POLN: variants seen among roughly 807,000 people sequenced by gnomAD.
The protein encoded by POLN is DNA polymerase nu, also known as DNA polymerase N.
In POLN, 108 loss-of-function variants were observed where a neutral mutation model predicts 113.5. That is an observed-to-expected ratio of 0.95 (90% CI 0.81 to 1.12). The LOEUF (loss-of-function observed/expected upper bound fraction) is 1.12. Among genes scored for constraint, POLN ranks in the 50% most tolerant of loss-of-function variants. POLN has a pLI of 0.00. For synonymous variants in POLN, 386 were observed against 391.5 expected (o/e 0.99, Z 0.17); for missense variants, 1,097 against 1,077.1 (o/e 1.02, Z -0.26).
intron 13 of POLN, among the ~76,000 whole-genome samples, chr4:2,161,554 C>CA (rs1732590872): frequency 6.6e-6 from 1 of 152,250 alleles, no homozygotes; most frequent in Admixed American, 6.5e-5. Flanking sequence ...CTCCCACCCC[C>CA]TCCGTGGGCT....
intron 3 of POLN, among the ~76,000 whole-genome samples, chr4:2,224,953 G>GA (rs879632040): frequency 8.7e-4 from 126 of 144,854 alleles, no homozygotes; most frequent in East Asian, 6.4e-3. Flanking sequence ...TCTGTCTTGG[G>GA]AAAAAAAAAA....
chr4:2,150,081 TCAAAAACAAAAA>T (rs1235790383), intron 16 of POLN, among the ~76,000 whole-genome samples: 3 of 150,840 alleles, frequency 2.0e-5, no homozygotes, highest in African/African-American at 7.3e-5. Context: ...AGACTCCATC[TCAAAAACAAAAA>T]CAAAAACAAA....
chr4:2,198,650 C>T lies in POLN; in HGVS notation c.782G>A (p.Cys261Tyr), dbSNP rs1404761051. 1.2e-6 allele frequency: 2 copies of T among 1,613,774 alleles called. No individual in the cohort carries two copies. The highest frequency in any genetic ancestry group is 2.2e-5 in the South Asian group (2 of 91,022). ...AGGACCACAGGCCGGGGCATCTGGA[C>T]AGCCATGGCCACCCTCTGCTTGGCG... ...VKRQAEGGHG[C>Y]PDAPACGPVL... The change falls in exon 6 of 26, where the codon TGT becomes TAT. Residue 261 changes from cysteine (C) to tyrosine (Y), a missense_variant. Coordinates refer to ENST00000511885, the MANE Select transcript of POLN (RefSeq NM_181808.4).
chr4:2,109,407 C>G (rs1429642620), intron 19 of POLN, among the ~76,000 whole-genome samples: 3 of 152,164 alleles, frequency 2.0e-5, no homozygotes, highest in Non-Finnish European at 4.4e-5. Flanking sequence ...AATATGGCAT[C>G]TTAATTGCAC....
chr4:2,217,923 T>C (rs1734150737), intron 3 of POLN, among the ~76,000 whole-genome samples: 1 of 152,240 alleles, frequency 6.6e-6, no homozygotes, highest in Admixed American at 6.5e-5. Context: ...TATGGTTCAC[T>C]CTTAATGGTT....
chr4:2,179,128 A>C (rs1733069080), intron 8 of POLN, among the ~76,000 whole-genome samples, 180 bp downstream of exon 8: 1 of 152,196 alleles, frequency 6.6e-6, no homozygotes, highest in Non-Finnish European at 1.5e-5. Flanking sequence ...AACAGCCATC[A>C]CCTATCCTTA....
chr4:2,241,541 G>C lies in POLN; in HGVS notation c.-34C>G. ...TTACCTCAACGTCTCGCCGGGCAAGGCTCCACCTCCAGAGTCCACCACCGC... is the reference window on the plus strand; with the variant it reads ...TTACCTCAACGTCTCGCCGGGCAAGCCTCCACCTCCAGAGTCCACCACCGC... On this transcript the variant is annotated 5_prime_UTR_variant, in exon 2 of 26. Transcript: ENST00000511885. 1 of 985,912 alleles carries C rather than the reference G, an allele frequency of 1.0e-6. No homozygotes were observed. Among genetic ancestry groups the C allele is most frequent in the African/African-American group, 1.7e-5 (1 of 57,384 alleles). The allele number at this position is 985,912 out of a possible 1,614,324, so 61.1% of individuals were successfully genotyped here. A position where few individuals can be genotyped will look rare whatever the true frequency, so the allele number is the denominator to read the frequency against.
intron 3 of POLN, among the ~76,000 whole-genome samples, chr4:2,218,841 T>C (rs1357669197): frequency 6.6e-6 from 1 of 152,172 alleles, no homozygotes; most frequent in African/African-American, 2.4e-5. Flanking sequence ...GTCACAACTA[T>C]TTGTGGTGTC....
In POLN at chr4:2,071,990, G is replaced by T; in HGVS notation, c.*124C>A. 1.9e-6 allele frequency: 2 copies of T among 1,078,684 alleles called. No individual in the cohort carries two copies. The highest frequency in any genetic ancestry group is 1.4e-6 in the Non-Finnish European group (1 of 695,168). 66.8% of individuals were successfully genotyped at this position (1,078,684 alleles called of 1,614,324 possible). A position where few individuals can be genotyped will look rare whatever the true frequency, so the allele number is the denominator to read the frequency against. On this transcript the variant is annotated 3_prime_UTR_variant, in exon 26 of 26. Coordinates refer to ENST00000511885, the MANE Select transcript of POLN (RefSeq NM_181808.4). This position sits in a 1 kb window ranked among gnomAD's most constrained non-coding sequence, Gnocchi z 5.2. ...CTTTGCACAGGCATTTACTCCAGGG[G>T]ATGGCGGGCCACCCCAGCCCCAAAG...
chr4:2,076,773 C>T (rs1238667803), intron 23 of POLN: 1 of 152,312 alleles, frequency 6.6e-6, no homozygotes, highest in Non-Finnish European at 1.5e-5. Flanking sequence ...CCTTCAAGCC[C>T]CAGGGTACAG....
At chr4:2,105,067 G>T (rs2108707376) in intron 19 of POLN, among the ~76,000 whole-genome samples, 1 of 152,220 alleles carries the variant, frequency 6.6e-6, no homozygotes, top group Non-Finnish European at 1.5e-5. Context: ...AACCTATTTG[G>T]CCTCTCCACA....
chr4:2,175,556 G>A (rs1732974226), intron 9 of POLN, among the ~76,000 whole-genome samples: 1 of 152,360 alleles, frequency 6.6e-6, no homozygotes, highest in East Asian at 1.9e-4. Flanking sequence ...TCCCCTGAGA[G>A]CATGGAATCT....
intron 13 of POLN, among the ~76,000 whole-genome samples, chr4:2,159,711 G>A (rs895880339): frequency 2.6e-5 from 4 of 152,164 alleles, no homozygotes; most frequent in Non-Finnish European, 4.4e-5. Context: ...TCCCCAGTAG[G>A]TACTGGCTCC....
At chr4:2,091,932 A>G (rs1000939619) in intron 20 of POLN, among the ~76,000 whole-genome samples, 11 of 152,226 alleles carry the variant, frequency 7.2e-5, no homozygotes, top group African/African-American at 2.7e-4. Context: ...GGGCTGAGCA[A>G]GTGCCTGCAC....
At chr4:2,197,625 C>T (rs372575840) in intron 6 of POLN, among the ~76,000 whole-genome samples, 1 of 152,322 alleles carries the variant, frequency 6.6e-6, no homozygotes, top group East Asian at 1.9e-4. Context: ...AAGGGCTCTC[C>T]ATACACTAGA....
intron 2 of POLN, among the ~76,000 whole-genome samples, chr4:2,237,735 A>G (rs755864207): frequency 2.4e-4 from 37 of 152,250 alleles, no homozygotes; most frequent in Non-Finnish European, 5.0e-4. Flanking sequence ...TAAACCATGT[A>G]AAATATAAAA....
In POLN at chr4:2,241,590, C is replaced by G; in HGVS notation, c.-83G>C. The G allele has an allele frequency of 1.0e-6, 1 of 985,728 alleles. No individual in the cohort carries two copies. 61.1% of individuals were successfully genotyped at this position (985,728 alleles called of 1,614,324 possible). A position where few individuals can be genotyped will look rare whatever the true frequency, so the allele number is the denominator to read the frequency against. On this transcript the variant is annotated 5_prime_UTR_variant, in exon 2 of 26. Coordinates refer to ENST00000511885, the MANE Select transcript of POLN (RefSeq NM_181808.4). ...GCGACGCGGAGAACAGCAGGAGCAG[C>G]AGGGAAGCGCGCGGCCACAATTAAG...
intron 20 of POLN, among the ~76,000 whole-genome samples, chr4:2,094,300 A>G (rs904685254): frequency 6.9e-6 from 1 of 144,422 alleles, no homozygotes; most frequent in Non-Finnish European, 1.5e-5. Context: ...TTTGTGCTCA[A>G]TGCAGTGAGC....
At chr4:2,074,421 G>C (rs568067428) in intron 24 of POLN, among the ~76,000 whole-genome samples, 22 of 152,350 alleles carry the variant, frequency 1.4e-4, no homozygotes, top group Admixed American at 1.4e-3. Context: ...AGGCCAGCTG[G>C]AGGAAGCTGC....
Sources: allele counts gnomAD v4.1 joint callset (sites outside exome capture counted in the v4.1 genomes callset), GRCh38; gene constraint gnomAD v4.1.1; non-coding constraint Gnocchi (gnomAD v3.1); transcripts MANE v1.5; gene names NCBI Gene and HGNC (gene_info 2026-07-23, HGNC 2026-07-21).